Variants in ROBO2 observed in about 807,000 individuals in gnomAD.
ROBO2 encodes the protein roundabout guidance receptor 2, also known as roundabout homolog 2.
A neutral mutation model predicts 160.8 loss-of-function variants in ROBO2; 53 were observed. The observed-to-expected ratio is 0.33, with a 90% CI of 0.26 to 0.41. The LOEUF (loss-of-function observed/expected upper bound fraction) is 0.41. ROBO2 is among the 10% of genes least tolerant of loss of function. ROBO2 has a pLI of 1.00. For synonymous variants in ROBO2, 664 were observed against 611.7 expected (o/e 1.09, Z -1.26); for missense variants, 1,577 against 1,722.4 (o/e 0.92, Z 1.49).
At chr3:77,322,903 G>A (rs1370493950) in intron 2 of ROBO2, among the ~76,000 whole-genome samples, 1 of 49,288 alleles carries the variant, frequency 2.0e-5, no homozygotes, top group Non-Finnish European at 4.3e-5. Flanking sequence ...CATATATTAT[G>A]TATTATAATA....
intron 8 of ROBO2, among the ~76,000 whole-genome samples, chr3:77,551,945 G>T (rs2092935122): frequency 6.6e-6 from 1 of 151,968 alleles, no homozygotes; most frequent in African/African-American, 2.4e-5. Context: ...TGTCAGGAAT[G>T]GGAATAAATA....
intron 2 of ROBO2, among the ~76,000 whole-genome samples, chr3:77,227,927 C>T (rs1051445798): frequency 3.3e-5 from 5 of 152,162 alleles, no homozygotes; most frequent in African/African-American, 1.2e-4. Context: ...ATATCTAAGT[C>T]CACATGTTGA....
At chr3:76,752,519 A>G (rs1253242485) in intron 2 of ROBO2, among the ~76,000 whole-genome samples, 6 of 151,772 alleles carry the variant, frequency 4.0e-5, no homozygotes, top group African/African-American at 1.5e-4. Flanking sequence ...TTTTCTCTAG[A>G]TTAGTCCAGA....
intron 2 of ROBO2, among the ~76,000 whole-genome samples, chr3:76,205,784 A>T (rs2107284578): frequency 1.3e-5 from 2 of 152,196 alleles, no homozygotes; most frequent in South Asian, 4.1e-4. Context: ...TCCCCTTCAT[A>T]AAATTCTTCT....
rs1385289634 is a variant in ROBO2 at position 77,279,202 on chromosome 3, C to T, written c.388+180862C>T. 8.6e-5 allele frequency among the ~76,000 whole-genome samples: 13 copies of T among 151,870 alleles called. 1 individual carries two copies. Among genetic ancestry groups the T allele is most frequent in the Admixed American group, 2.0e-4 (3 of 15,250 alleles). ...GAGTAGAATGTGCCATTTTTTTAAA[C>T]GCCTAAATTTTTAGAATCGTATATA... On this transcript the variant is annotated intron_variant, in intron 2 of 25. Transcript: ENST00000461745.
chr3:76,257,971 T>A (rs977356471), intron 2 of ROBO2, among the ~76,000 whole-genome samples: 1 of 152,110 alleles, frequency 6.6e-6, no homozygotes, highest in Non-Finnish European at 1.5e-5. Context: ...CTTGGTATAT[T>A]TTATTGAGTC....
rs373706929 is a variant in ROBO2, at chr3:76,649,616, CA to C, written c.110-448391del. On this transcript the variant is annotated intron_variant, in intron 2 of 26. Transcript: ENST00000487694. Reference sequence around the variant, plus strand: ...TATCCAGTGACCTTCACTGGTCATTCAAAAAAATTTTTATATGGAGAGATGT... The same window carrying C: ...TATCCAGTGACCTTCACTGGTCATTCAAAAAATTTTTATATGGAGAGATGT... Among the ~76,000 whole-genome samples, 109 of 152,062 alleles carry C rather than the reference CA, an allele frequency of 7.2e-4. 1 individual carries two copies. In the South Asian group the frequency reaches 8.5e-3, roughly 12 times the overall value.
At chr3:77,584,971 T>C (rs141139974) in intron 16 of ROBO2, among the ~76,000 whole-genome samples, 6,054 of 148,322 alleles carry the variant, frequency 0.041, 145 homozygotes, top group African/African-American at 0.068. Context: ...TATACACACA[T>C]ATATATATAT....
chr3:76,785,810 A>G (rs2062936652), intron 2 of ROBO2, among the ~76,000 whole-genome samples: 1 of 151,326 alleles, frequency 6.6e-6, no homozygotes, highest in Non-Finnish European at 1.5e-5. Context: ...CAAAAGTTAA[A>G]TACAGATGTA....
chr3:77,400,815 G>C (rs1048675839), intron 2 of ROBO2, among the ~76,000 whole-genome samples: 1 of 152,124 alleles, frequency 6.6e-6, no homozygotes. Context: ...CTGAGATAGA[G>C]CCTGGTTAAG....
intron 2 of ROBO2, among the ~76,000 whole-genome samples, chr3:76,640,843 T>A (rs2090637787): frequency 6.6e-6 from 1 of 151,942 alleles, no homozygotes; most frequent in Admixed American, 6.6e-5. Context: ...AAAAAAAGAA[T>A]CAAGATAAGT....
intron 2 of ROBO2, among the ~76,000 whole-genome samples, chr3:76,878,529 C>A (rs1326822084): frequency 6.6e-6 from 1 of 152,068 alleles, no homozygotes; most frequent in Non-Finnish European, 1.5e-5. Flanking sequence ...GTTTTATATT[C>A]AAAAACATCC....
chr3:75,982,975 T>G (rs574290285), intron 2 of ROBO2, among the ~76,000 whole-genome samples: 1 of 151,652 alleles, frequency 6.6e-6, no homozygotes, highest in Non-Finnish European at 1.5e-5. Context: ...GATACTCGAC[T>G]AGCACTCGCA....
At chr3:76,117,685 T>C (rs2070533727) in intron 2 of ROBO2, among the ~76,000 whole-genome samples, 1 of 152,276 alleles carries the variant, frequency 6.6e-6, no homozygotes, top group South Asian at 2.1e-4. Context: ...AATACTGTGC[T>C]ACGTTTTGGA....
At chr3:76,216,075 A>G (rs945600357) in intron 2 of ROBO2, among the ~76,000 whole-genome samples, 2 of 152,210 alleles carry the variant, frequency 1.3e-5, no homozygotes, top group African/African-American at 4.8e-5. Flanking sequence ...TCATAAGTGA[A>G]GGAGAAATAA....
At chr3:76,992,360 TATATATATA>T (rs1559812234) in intron 2 of ROBO2, among the ~76,000 whole-genome samples, 2,324 of 70,326 alleles carry the variant, frequency 0.033, 77 homozygotes, top group African/African-American at 0.084. Flanking sequence ...TATATATATA[TATATATATA>T]AATTTAGCTT....
At position 77,330,634 on chromosome 3, in the gene ROBO2, C is replaced by G. The variant is rs540518653; in HGVS notation, c.389-146780C>G. Among the ~76,000 whole-genome samples the G allele has an allele frequency of 3.3e-5, 5 of 152,262 alleles. 1 individual carries two copies. The highest frequency in any genetic ancestry group is 1.2e-4 in the African/African-American group (5 of 41,550). Reference sequence around the variant, plus strand: ...GTATAGACAAATGAACAGAGACAGACTTTTGTGATGCGTCTTTAAGGGATT... The same window carrying G: ...GTATAGACAAATGAACAGAGACAGAGTTTTGTGATGCGTCTTTAAGGGATT... On this transcript the variant is annotated intron_variant, in intron 2 of 25. Coordinates refer to ENST00000461745, the Ensembl canonical transcript of ROBO2.
intron 1 of ROBO2, among the ~76,000 whole-genome samples, chr3:77,077,151 G>A (rs544335322): frequency 1.3e-5 from 2 of 152,138 alleles, no homozygotes; most frequent in Non-Finnish European, 2.9e-5. Flanking sequence ...GATAATGATA[G>A]TTTCCTGTGC....
At chr3:76,763,803 G>T (rs2061436674) in intron 2 of ROBO2, among the ~76,000 whole-genome samples, 1 of 151,698 alleles carries the variant, frequency 6.6e-6, no homozygotes, top group South Asian at 2.1e-4. Flanking sequence ...GCTCCAAACT[G>T]CTGCCATTGC....
Sources: allele counts gnomAD v4.1 joint callset (sites outside exome capture counted in the v4.1 genomes callset), GRCh38; gene constraint gnomAD v4.1.1; transcripts MANE v1.5; gene names NCBI Gene and HGNC (gene_info 2026-07-23, HGNC 2026-07-21).